Variants in STAU2 observed in about 807,000 individuals in gnomAD.
STAU2 encodes the protein staufen double-stranded RNA binding protein 2, also known as double-stranded RNA-binding protein Staufen homolog 2.
STAU2 carries 20 observed loss-of-function variants against 65.9 expected under a neutral mutation model. The observed-to-expected ratio is 0.30, with a 90% CI of 0.21 to 0.44. STAU2 has a LOEUF of 0.44. Among genes scored for constraint, STAU2 ranks in the 20% least tolerant of loss-of-function variants. The pLI, the probability that STAU2 is intolerant of heterozygous loss-of-function variation, is 1.00. For missense variants in STAU2, 558 were observed against 683.9 expected, an observed-to-expected ratio of 0.82 and a Z score of 2.05; for synonymous variants, 232 against 233.9, an observed-to-expected ratio of 0.99 and a Z score of 0.07.
intron 13 of STAU2, among the ~76,000 whole-genome samples, chr8:73,435,443 G>A (rs890585009): frequency 4.6e-5 from 7 of 151,864 alleles, no homozygotes; most frequent in African/African-American, 1.2e-4. Flanking sequence ...GCAGACAGGG[G>A]TCTTATTCTG....
At chr8:73,421,514 C>G in intron 14 of STAU2, 49 bp from the exon 15 acceptor site, 1 of 1,518,634 alleles carries the variant, frequency 6.6e-7, no homozygotes, top group Non-Finnish European at 8.8e-7. Flanking sequence ...GGTTGCACAT[C>G]TTCAGACATG....
rs73322859 is a variant in STAU2, at chr8:73,506,762, T to C, written c.1530+45250A>G. 6.3e-3 allele frequency among the ~76,000 whole-genome samples: 962 copies of C among 152,350 alleles called. 10 individuals carry two copies. The highest frequency in any genetic ancestry group is 0.022 in the African/African-American group (907 of 41,592). On this transcript the variant is annotated intron_variant, in intron 13 of 14. Transcript: ENST00000524300. The stretch of plus-strand genomic sequence containing the variant: ...TATGCAATGCTGTTTGATAATATTT[T>C]ACCCACAGTAGAAATGTCTTTAAAA...
intron 6 of STAU2, among the ~76,000 whole-genome samples, chr8:73,649,483 T>C (rs909604042): frequency 4.6e-5 from 7 of 152,120 alleles, no homozygotes; most frequent in African/African-American, 1.7e-4. Flanking sequence ...ATTTGTTCCA[T>C]CACAATAGAA....
intron 13 of STAU2, among the ~76,000 whole-genome samples, chr8:73,425,660 T>A (rs1382179427): frequency 6.6e-6 from 1 of 152,206 alleles, no homozygotes. Context: ...CCCTGTATTA[T>A]TTTTTGTTAT....
At chr8:73,424,402 T>C (rs1465558257) in intron 13 of STAU2, among the ~76,000 whole-genome samples, 5 of 152,028 alleles carry the variant, frequency 3.3e-5, no homozygotes, top group Non-Finnish European at 5.9e-5. Context: ...GGTTTCACCA[T>C]GTTGGCCAGG....
intron 12 of STAU2, among the ~76,000 whole-genome samples, chr8:73,580,234 G>C (rs779173185): frequency 1.3e-5 from 2 of 152,194 alleles, no homozygotes; most frequent in Non-Finnish European, 2.9e-5. Context: ...CATGATGACA[G>C]TGTTTTTCAC....
intron 5 of STAU2, among the ~76,000 whole-genome samples, chr8:73,681,275 A>C (rs1367407122): frequency 1.3e-5 from 2 of 152,208 alleles, no homozygotes; most frequent in Non-Finnish European, 2.9e-5. Flanking sequence ...TTCTCAGCAT[A>C]AAATCTACAA....
intron 13 of STAU2, among the ~76,000 whole-genome samples, chr8:73,543,102 A>G (rs554045307): frequency 4.6e-5 from 7 of 152,368 alleles, no homozygotes; most frequent in African/African-American, 1.7e-4. Context: ...CTTAGCAATA[A>G]AAACTACTGA....
intron 13 of STAU2, among the ~76,000 whole-genome samples, chr8:73,547,132 T>C (rs942794441): frequency 6.6e-6 from 1 of 152,228 alleles, no homozygotes; most frequent in African/African-American, 2.4e-5. Context: ...GGAAAAGCTC[T>C]TACAGTGTTT....
At position 73,583,036 on chromosome 8, in the gene STAU2, T is replaced by C. The variant is rs74579559; in HGVS notation, c.1162-206A>G. Reference sequence around the variant, plus strand: ...CCTTTTCTGCACCTAAATCTACTTATGTCCTTCTACTTTTGTCTGATCATG... The same window carrying C: ...CCTTTTCTGCACCTAAATCTACTTACGTCCTTCTACTTTTGTCTGATCATG... On this transcript the variant is annotated intron_variant, in intron 11 of 14. Transcript: ENST00000524300. Among the ~76,000 whole-genome samples the C allele has an allele frequency of 1.7e-3, 258 of 152,340 alleles. 1 individual carries two copies. Among genetic ancestry groups the C allele is most frequent in the African/African-American group, 5.6e-3 (231 of 41,576 alleles).
intron 12 of STAU2, among the ~76,000 whole-genome samples, chr8:73,572,911 G>T (rs1269046171): frequency 2.0e-5 from 3 of 149,020 alleles, no homozygotes; most frequent in Non-Finnish European, 4.4e-5. Flanking sequence ...AATCAGGCAG[G>T]AGAGAGAAAG....
chr8:73,618,421 T>C (rs546821107), intron 6 of STAU2, among the ~76,000 whole-genome samples: 3 of 152,236 alleles, frequency 2.0e-5, no homozygotes, highest in East Asian at 1.9e-4. Context: ...GCAGAGAGTA[T>C]ACCAGCAGCA....
intron 13 of STAU2, among the ~76,000 whole-genome samples, chr8:73,496,778 C>T (rs1023138397): frequency 6.6e-6 from 1 of 151,594 alleles, no homozygotes; most frequent in African/African-American, 2.4e-5. Flanking sequence ...TTTTTTGGTG[C>T]TGCCTTTCAA....
intron 3 of STAU2, among the ~76,000 whole-genome samples, chr8:73,719,111 T>A (rs1373488205): frequency 6.6e-6 from 1 of 152,116 alleles, no homozygotes; most frequent in South Asian, 2.1e-4. Context: ...TTAAAATAAG[T>A]GTCCAGTTTT....
intron 13 of STAU2, among the ~76,000 whole-genome samples, chr8:73,437,950 G>A (rs923532503): frequency 1.3e-5 from 2 of 152,132 alleles, no homozygotes; most frequent in Non-Finnish European, 2.9e-5. Context: ...TTACTCCTCC[G>A]CTCTGTGCTG....
intron 13 of STAU2, among the ~76,000 whole-genome samples, chr8:73,481,907 A>T (rs1820654022): frequency 6.6e-6 from 1 of 152,160 alleles, no homozygotes; most frequent in African/African-American, 2.4e-5. Flanking sequence ...GGTCTAGTAC[A>T]GTAGGTGGGC....
At chr8:73,476,877 G>A (rs890952530) in intron 13 of STAU2, among the ~76,000 whole-genome samples, 7 of 152,264 alleles carry the variant, frequency 4.6e-5, no homozygotes, top group African/African-American at 1.7e-4. Context: ...CTAAGAAGTG[G>A]CTTCTAGGTA....
rs34533172 is a variant in STAU2, at chr8:73,591,882, TAAAAAAAAA to T, written c.1161+3275_1161+3283del. ...ACCCATACAGCGTGTATCCCAGAGG[TAAAAAAAAA>T]AAAAAAAAAAAAAAAAAAAAAAACA... On this transcript the variant is annotated intron_variant, in intron 11 of 14. Coordinates refer to ENST00000524300, the MANE Select transcript of STAU2 (RefSeq NM_001164380.2). Among the ~76,000 whole-genome samples, 13 of 28,472 alleles carry T rather than the reference TAAAAAAAAA, an allele frequency of 4.6e-4. No homozygotes were observed. The Admixed American group carries it at 5.5e-3, about 12-fold the overall frequency. 18.7% of individuals were successfully genotyped at this position (28,472 alleles called of 152,430 possible). A position where few individuals can be genotyped will look rare whatever the true frequency, so the allele number is the denominator to read the frequency against.
intron 8 of STAU2, 25 bp downstream of exon 8, chr8:73,615,649 TG>T: frequency 1.3e-6 from 2 of 1,560,966 alleles, no homozygotes; most frequent in Non-Finnish European, 1.8e-6. Flanking sequence ...AGGGAAAAAA[TG>T]GGAAGATCTC....
Sources: gnomAD v4.1 joint callset for allele counts (sites outside exome capture counted in the v4.1 genomes callset) on GRCh38, gnomAD v4.1.1 for gene constraint, MANE v1.5 for transcripts, NCBI Gene and HGNC (gene_info 2026-07-23, HGNC 2026-07-21) for gene names.